SPIN1: variants seen among roughly 807,000 people sequenced by gnomAD.
SPIN1 encodes spindlin-1.
In SPIN1, 3 loss-of-function variants were observed where a neutral mutation model predicts 26.0. The ratio of observed to expected loss-of-function variants is 0.12; its 90% CI spans 0.05 to 0.30. The LOEUF is 0.30. SPIN1 is among the 10% of genes least tolerant of loss of function. The probability of loss-of-function intolerance (pLI) is 1.00; values close to 1 mark genes in which losing one functional copy is unlikely to be tolerated. For synonymous variants in SPIN1, 101 were observed against 116.5 expected, an observed-to-expected ratio of 0.87 and a Z score of 0.86; for missense variants, 126 against 333.4, an observed-to-expected ratio of 0.38 and a Z score of 4.84.
intron 1 of SPIN1, among the ~76,000 whole-genome samples, chr9:88,407,198 C>T (rs937623616): frequency 1.3e-5 from 2 of 150,950 alleles, no homozygotes; most frequent in Admixed American, 6.6e-5. Flanking sequence ...AGTGCAGTGG[C>T]GTGATCTTGG....
At chr9:88,470,879 C>T (rs1334118916) in intron 5 of SPIN1, among the ~76,000 whole-genome samples, 3 of 152,220 alleles carry the variant, frequency 2.0e-5, no homozygotes, top group Non-Finnish European at 4.4e-5. Flanking sequence ...CAGACATGAG[C>T]CACCATGCCC....
At chr9:88,457,827 A>C (rs1162784947) in intron 3 of SPIN1, 2 of 981,602 alleles carry the variant, frequency 2.0e-6, no homozygotes, top group Non-Finnish European at 2.4e-6. Flanking sequence ...TGAGAAAAAA[A>C]TGTGAAAATA....
At chr9:88,470,337 G>A (rs1828754184) in intron 5 of SPIN1, among the ~76,000 whole-genome samples, 1 of 152,150 alleles carries the variant, frequency 6.6e-6, no homozygotes, top group Non-Finnish European at 1.5e-5. Context: ...ACCTAGGAGT[G>A]GAGTTGCTGG....
chr9:88,443,856 G>A (rs1828189366), intron 2 of SPIN1, among the ~76,000 whole-genome samples: 1 of 152,138 alleles, frequency 6.6e-6, no homozygotes, highest in African/African-American at 2.4e-5. Context: ...TCCCCGGCTT[G>A]TAGAGGAAAA....
At chr9:88,388,621 CGCAGGTGAGCGCGGCCCG>C (rs1307040916) in intron 1 of SPIN1, 83 bp downstream of exon 1, 1 of 147,566 alleles carries the variant, frequency 6.8e-6, no homozygotes, top group Non-Finnish European at 1.5e-5. Context: ...TGCCCGGGGG[CGCAGGTGAGCGCGGCCCG>C]CGCGGGGCCC....
At chr9:88,425,837 CT>C (rs776812269) in intron 1 of SPIN1, among the ~76,000 whole-genome samples, 36 of 152,096 alleles carry the variant, frequency 2.4e-4, no homozygotes, top group Non-Finnish European at 4.6e-4. Context: ...GGCTATAATT[CT>C]TTCTCTTGCC....
chr9:88,468,261 A>ACGTTG (rs1399529983), intron 4 of SPIN1, 111 bp from the exon 5 acceptor site: 27 of 708,736 alleles, frequency 3.8e-5, no homozygotes, highest in Non-Finnish European at 6.0e-5. Context: ...GCTTGCTAAT[A>ACGTTG]CGTTGCATGG....
In SPIN1 at chr9:88,457,875, A is replaced by G. The variant is rs1463044952; in HGVS notation, c.102-4621A>G. On this transcript the variant is annotated intron_variant, in intron 3 of 5. Transcript: ENST00000375859. ...CAACCAAAAAACCTTTCTTGTTTCT[A>G]AATTAAAAAGTTACTAAGATAGTAG... The G allele has an allele frequency of 6.1e-6, 6 of 984,822 alleles. No individual in the cohort carries two copies. In the Admixed American group the frequency reaches 3.1e-4, roughly 50 times the overall value. 61.0% of individuals were successfully genotyped at this position (984,822 alleles called of 1,614,324 possible).
At chr9:88,394,073 T>C (rs1826998164) in intron 1 of SPIN1, among the ~76,000 whole-genome samples, 1 of 152,144 alleles carries the variant, frequency 6.6e-6, no homozygotes, top group South Asian at 2.1e-4. Context: ...GGTCTCAAAC[T>C]CCCAAGCTCA....
intron 1 of SPIN1, among the ~76,000 whole-genome samples, chr9:88,415,049 G>T (rs1342724869): frequency 6.6e-6 from 1 of 152,008 alleles, no homozygotes; most frequent in Non-Finnish European, 1.5e-5. Context: ...GACTAAAGGT[G>T]CATGCCACCA....
intron 3 of SPIN1, among the ~76,000 whole-genome samples, chr9:88,452,961 A>G (rs1442956833): frequency 6.6e-6 from 1 of 152,166 alleles, no homozygotes; most frequent in Non-Finnish European, 1.5e-5. Context: ...ATTTACTGGT[A>G]TGTGGTAGAA....
At chr9:88,430,263 A>G (rs1587793295) in intron 2 of SPIN1, among the ~76,000 whole-genome samples, 1 of 152,224 alleles carries the variant, frequency 6.6e-6, no homozygotes, top group Non-Finnish European at 1.5e-5. Context: ...ATAGGACTTA[A>G]ATAGCCTGGA....
At chr9:88,409,795 G>A (rs143668118) in intron 1 of SPIN1, among the ~76,000 whole-genome samples, 2,910 of 150,368 alleles carry the variant, frequency 0.019, 66 homozygotes, top group African/African-American at 0.063. Flanking sequence ...CTGAGATCGC[G>A]CCACTGCACT....
chr9:88,454,325 A>C (rs1486901863), intron 3 of SPIN1, among the ~76,000 whole-genome samples: 2 of 152,242 alleles, frequency 1.3e-5, no homozygotes, highest in African/African-American at 4.8e-5. Context: ...ATCACATTTA[A>C]GTTGCTAATC....
At chr9:88,424,646 A>C (rs1043049879) in intron 1 of SPIN1, among the ~76,000 whole-genome samples, 1 of 152,230 alleles carries the variant, frequency 6.6e-6, no homozygotes, top group East Asian at 1.9e-4. Flanking sequence ...TGGGAGTGTC[A>C]GTGTAAGAAA....
chr9:88,462,413 A>AG (rs2118190542), intron 3 of SPIN1, 83 bp from the exon 4 acceptor site: 1 of 1,534,344 alleles, frequency 6.5e-7, no homozygotes, highest in Admixed American at 2.0e-5. Context: ...CTGTAATGAG[A>AG]TCATGCTAGC....
At chr9:88,407,300 T>C (rs1827331272) in intron 1 of SPIN1, among the ~76,000 whole-genome samples, 1 of 151,952 alleles carries the variant, frequency 6.6e-6, no homozygotes, top group Admixed American at 6.6e-5. Context: ...GCCACCATGC[T>C]TGGCTAATTT....
chr9:88,436,862 T>C (rs1483948156), intron 2 of SPIN1, among the ~76,000 whole-genome samples: 2 of 148,930 alleles, frequency 1.3e-5, no homozygotes, highest in Non-Finnish European at 3.0e-5. Context: ...CCTCCCGGGT[T>C]CACGCCATTC....
At chr9:88,457,980 T>C (rs963198457) in intron 3 of SPIN1, 86 of 985,258 alleles carry the variant, frequency 8.7e-5, no homozygotes, top group Non-Finnish European at 9.9e-5. Context: ...TTTTAAGTTT[T>C]TCTTTTACTA....
Sources: allele counts gnomAD v4.1 joint callset (sites outside exome capture counted in the v4.1 genomes callset), GRCh38; gene constraint gnomAD v4.1.1; transcripts MANE v1.5; gene names NCBI Gene and HGNC (gene_info 2026-07-23, HGNC 2026-07-21).